ADGB: variants seen among roughly 807,000 people sequenced by gnomAD.
ADGB encodes androglobin.
Under a neutral mutation model 210.5 loss-of-function variants are expected in ADGB, and 172 were observed. The observed-to-expected ratio is 0.82, with a 90% CI of 0.72 to 0.93. The LOEUF is 0.93. Ranked by LOEUF, ADGB falls within the 40% of genes least tolerant of loss-of-function variation. The pLI, the probability that ADGB is intolerant of heterozygous loss-of-function variation, is 0.00. For missense variants in ADGB, 2,025 were observed against 1,964.8 expected (o/e 1.03, Z -0.58); for synonymous variants, 658 against 662.7 (o/e 0.99, Z 0.11).
At chr6:146,759,239 G>T (rs889660182) in intron 27 of ADGB, among the ~76,000 whole-genome samples, 1 of 151,678 alleles carries the variant, frequency 6.6e-6, no homozygotes, top group Non-Finnish European at 1.5e-5. Flanking sequence ...GGATGCAGAA[G>T]TTCAAAATGA....
chr6:146,785,849 G>A (rs1019563765), intron 32 of ADGB, 137 bp downstream of exon 32: 22 of 659,814 alleles, frequency 3.3e-5, no homozygotes, highest in Middle Eastern at 2.5e-4. Flanking sequence ...ATAAAAAGTC[G>A]CACAATTTCA....
At chr6:146,603,404 TTTAAGTA>T (rs1283549885) in intron 1 of ADGB, among the ~76,000 whole-genome samples, 1 of 152,214 alleles carries the variant, frequency 6.6e-6, no homozygotes, top group Admixed American at 6.5e-5. Flanking sequence ...AGTCGTGCAG[TTTAAGTA>T]TTGACAGTAT....
chr6:146,780,343 T>G (rs1562298912), intron 29 of ADGB, among the ~76,000 whole-genome samples: 1 of 152,086 alleles, frequency 6.6e-6, no homozygotes, highest in Admixed American at 6.6e-5. Flanking sequence ...CAGACATAAA[T>G]CCTATCTTAA....
At chr6:146,766,028 A>C (rs1019548972) in intron 28 of ADGB, among the ~76,000 whole-genome samples, 1 of 152,168 alleles carries the variant, frequency 6.6e-6, no homozygotes, top group African/African-American at 2.4e-5. Context: ...AATACAGAAC[A>C]AAAAATTAGG....
chr6:146,718,737 A>G (rs764493055), intron 16 of ADGB, among the ~76,000 whole-genome samples: 1 of 152,230 alleles, frequency 6.6e-6, no homozygotes, highest in Non-Finnish European at 1.5e-5. Context: ...AGTTGGAGGA[A>G]GTAAAGAGTC....
intron 32 of ADGB, among the ~76,000 whole-genome samples, chr6:146,786,557 T>C (rs559928613): frequency 8.5e-5 from 13 of 152,292 alleles, no homozygotes; most frequent in African/African-American, 2.9e-4. Flanking sequence ...GCATTTTACA[T>C]TTATTACCTC....
intron 35 of ADGB, among the ~76,000 whole-genome samples, chr6:146,804,952 CAA>C (rs1257277587): frequency 6.6e-6 from 1 of 152,144 alleles, no homozygotes; most frequent in Non-Finnish European, 1.5e-5. Flanking sequence ...AGGATAATGG[CAA>C]AATGAATAAA....
chr6:146,788,306 C>A, intron 32 of ADGB, 83 bp from the exon 33 acceptor site: 1 of 1,226,148 alleles, frequency 8.2e-7, no homozygotes, highest in Non-Finnish European at 1.2e-6. Context: ...TAAATCTGTG[C>A]TCCCATCATC....
At chr6:146,709,382 C>A (rs958130206) in intron 13 of ADGB, among the ~76,000 whole-genome samples, 1 of 152,182 alleles carries the variant, frequency 6.6e-6, no homozygotes, top group African/African-American at 2.4e-5. Context: ...AGCCCTTCAC[C>A]AGTCAGATCA....
intron 2 of ADGB, among the ~76,000 whole-genome samples, chr6:146,641,781 A>G (rs1229709725): frequency 6.6e-6 from 1 of 152,114 alleles, no homozygotes; most frequent in African/African-American, 2.4e-5. Context: ...CTTAAATGTA[A>G]CACCCAAAAC....
chr6:146,799,741 A>G lies in ADGB; in HGVS notation c.4538-1442A>G, dbSNP rs1200368839. 7.2e-5 allele frequency among the ~76,000 whole-genome samples: 11 copies of G among 152,072 alleles called. No homozygotes were observed. In the East Asian group the frequency reaches 2.1e-3, roughly 29 times the overall value. On this transcript the variant is annotated intron_variant, in intron 33 of 35. Transcript: ENST00000397944. ...ATGTGTGTGTAGGAGGAAGGGGGAT[A>G]TGGGATATCTCTGTATGTACTTCCT...
chr6:146,798,570 C>T, intron 33 of ADGB, among the ~76,000 whole-genome samples: 1 of 151,846 alleles, frequency 6.6e-6, no homozygotes, highest in East Asian at 1.9e-4. Context: ...GAGGTTCTTG[C>T]TAGTTCAATC....
chr6:146,795,220 G>A (rs183970495), intron 33 of ADGB, among the ~76,000 whole-genome samples: 1 of 152,194 alleles, frequency 6.6e-6, no homozygotes, highest in East Asian at 1.9e-4. Context: ...CTGCAATGTA[G>A]TATATCAATT....
intron 28 of ADGB, 80 bp downstream of exon 28, chr6:146,764,180 T>G: frequency 7.7e-7 from 1 of 1,293,286 alleles, no homozygotes; most frequent in Non-Finnish European, 1.0e-6. Context: ...CTAAAAATAG[T>G]CAATATACAG....
intron 1 of ADGB, among the ~76,000 whole-genome samples, chr6:146,627,167 A>G (rs9373501): frequency 0.58 from 88,274 of 151,904 alleles, 25,812 homozygotes; most frequent in Middle Eastern, 0.66. Flanking sequence ...TTTTGCCACA[A>G]CAAATACTTT....
intron 1 of ADGB, among the ~76,000 whole-genome samples, chr6:146,610,936 G>A (rs1238577100): frequency 6.6e-6 from 1 of 152,128 alleles, no homozygotes; most frequent in East Asian, 1.9e-4. Flanking sequence ...CAGTGGTGGG[G>A]TGATGGGGTC....
intron 13 of ADGB, among the ~76,000 whole-genome samples, chr6:146,708,519 G>T (rs1776610951): frequency 6.6e-6 from 1 of 151,810 alleles, no homozygotes; most frequent in Admixed American, 6.6e-5. Context: ...TTTTTATTCA[G>T]TACCTTGACT....
intron 23 of ADGB, 72 bp from the exon 24 acceptor site, chr6:146,740,387 T>C: frequency 7.5e-7 from 1 of 1,326,388 alleles, no homozygotes; most frequent in Non-Finnish European, 1.0e-6. Context: ...TTTTGTCATT[T>C]CTTTTTGTAA....
intron 26 of ADGB, among the ~76,000 whole-genome samples, chr6:146,750,411 A>G (rs968213340): frequency 1.3e-5 from 2 of 152,012 alleles, no homozygotes; most frequent in Admixed American, 6.6e-5. Context: ...ATAAAAATTT[A>G]GTTGAGCATG....
Sources: gnomAD v4.1 joint callset for allele counts (sites outside exome capture counted in the v4.1 genomes callset) on GRCh38, gnomAD v4.1.1 for gene constraint, MANE v1.5 for transcripts, NCBI Gene and HGNC (gene_info 2026-07-23, HGNC 2026-07-21) for gene names.